Variants in ESPNL observed in about 807,000 individuals in gnomAD.
The protein encoded by ESPNL is espin like.
A neutral mutation model predicts 46.8 loss-of-function variants in ESPNL; 49 were observed. The ratio of observed to expected loss-of-function variants is 1.05; its 90% CI spans 0.83 to 1.33. The LOEUF is 1.33. Ranked by LOEUF, ESPNL falls within the 40% of genes most tolerant of loss-of-function variation. The pLI is 0.00. For synonymous variants in ESPNL, 664 were observed against 662.1 expected, an observed-to-expected ratio of 1.00 and a Z score of -0.04; for missense variants, 1,540 against 1,436.6, an observed-to-expected ratio of 1.07 and a Z score of -1.16.
intron 5 of ESPNL, 142 bp from the exon 6 acceptor site, chr2:238,125,128 C>T (rs764984868): frequency 6.2e-6 from 3 of 480,290 alleles, no homozygotes; most frequent in African/African-American, 6.1e-5. Flanking sequence ...CTGCCCCTCT[C>T]CTGCCACCTC....
intron 4 of ESPNL, among the ~76,000 whole-genome samples, chr2:238,116,438 T>C (rs1002552374): frequency 2.6e-4 from 40 of 152,196 alleles, no homozygotes; most frequent in African/African-American, 8.4e-4. Flanking sequence ...GGGAACCTCA[T>C]TGGGCCAGGA....
rs765611326 is a variant in ESPNL, at chr2:238,100,659, G to C, written c.240G>C (p.Thr80=). Residue 80 remains threonine, a synonymous_variant, in exon 1 of 9, where the codon ACG becomes ACC. Transcript: ENST00000343063. ...GATPAHDAAA[T]GSLAELCWLV... Reference sequence around the variant, plus strand: ...CCCCAGCGCATGACGCCGCTGCCACGGGCAGCCTGGCCGAGCTGTGCTGGC... The same window carrying C: ...CCCCAGCGCATGACGCCGCTGCCACCGGCAGCCTGGCCGAGCTGTGCTGGC... The C allele has an allele frequency of 1.3e-5, 19 of 1,447,158 alleles. No individual in the cohort carries two copies. The highest frequency in any genetic ancestry group is 1.7e-5 in the Non-Finnish European group (19 of 1,107,944). 89.6% of individuals were successfully genotyped at this position (1,447,158 alleles called of 1,614,324 possible). A position where few individuals can be genotyped will look rare whatever the true frequency, so the allele number is the denominator to read the frequency against.
Position 238,131,573 on chromosome 2 carries a change from C to A in ESPNL, c.2859C>A (p.His953Gln). 1 of 1,611,020 alleles carries A rather than the reference C, an allele frequency of 6.2e-7. No individual in the cohort carries two copies. Among genetic ancestry groups the A allele is most frequent in the Non-Finnish European group, 8.5e-7 (1 of 1,178,936 alleles). The change falls in exon 9 of 9, where the codon CAC becomes CAA. Residue 953 changes from histidine (H) to glutamine (Q), a missense_variant. Coordinates refer to ENST00000343063, the MANE Select transcript of ESPNL (RefSeq NM_194312.4). The stretch of plus-strand genomic sequence containing the variant: ...TGACCCTGCTCGGGCCCCTGCCTCA[C>A]GCCGCCGTCCCCTGCAGCGGCCCTG... ...SGLTLLGPLPHAAVPCSGPEP... is the reference protein window; with the variant it reads ...SGLTLLGPLPQAAVPCSGPEP...
chr2:238,116,466 G>A (rs77120012), intron 4 of ESPNL, among the ~76,000 whole-genome samples: 2,874 of 152,348 alleles, frequency 0.019, 54 homozygotes, highest in East Asian at 0.083. Flanking sequence ...CCCACGGAGA[G>A]TGGGGCTGTG....
intron 6 of ESPNL, among the ~76,000 whole-genome samples, chr2:238,126,438 CAG>C (rs1321599411): frequency 6.8e-6 from 1 of 147,672 alleles, no homozygotes; most frequent in African/African-American, 2.5e-5. Context: ...GTGTCTGTGT[CAG>C]TGTGTGATTG....
At chr2:238,120,304 C>T (rs1344363725) in intron 5 of ESPNL, among the ~76,000 whole-genome samples, 2 of 152,134 alleles carry the variant, frequency 1.3e-5, no homozygotes, top group African/African-American at 4.8e-5. Flanking sequence ...CCTGCACTTC[C>T]TCCCTGGATG....
chr2:238,105,599 G>A (rs567468628), intron 3 of ESPNL, among the ~76,000 whole-genome samples: 29 of 152,090 alleles, frequency 1.9e-4, no homozygotes, highest in Admixed American at 4.6e-4. Flanking sequence ...GGAGGCGGCC[G>A]GACAAGGAGT....
At chr2:238,123,144 G>A (rs117516523) in intron 5 of ESPNL, among the ~76,000 whole-genome samples, 10 of 152,290 alleles carry the variant, frequency 6.6e-5, no homozygotes, top group Admixed American at 3.3e-4. Context: ...TGGGGAACAC[G>A]CCGTTGCTCA....
At chr2:238,102,231 G>T in intron 2 of ESPNL, 100 bp downstream of exon 2, 1 of 1,090,324 alleles carries the variant, frequency 9.2e-7, no homozygotes, top group Non-Finnish European at 1.3e-6. Flanking sequence ...GGTGGCCTTT[G>T]AGGTGAATCC....
intron 8 of ESPNL, chr2:238,129,236 C>T (rs1045105879): frequency 2.5e-5 from 31 of 1,234,568 alleles, no homozygotes; most frequent in South Asian, 7.4e-5. Context: ...GGGCAGGTGC[C>T]GGCAGGTGTG....
rs1327065227 is a variant in ESPNL, at chr2:238,131,030, G to T, written c.2316G>T (p.Gly772=). ...GGACCCTAGGAGCCCGCCACGCGGG[G>T]TTGCGGGGCCAGGAGGCCGCCAGGA... ...ACRTLGARHA[G]LRGQEAARSP... is the part of the protein sequence containing the mutation. Residue 772 remains glycine, a synonymous_variant, in exon 9 of 9, where the codon GGG becomes GGT. Coordinates refer to ENST00000343063, the MANE Select transcript of ESPNL (RefSeq NM_194312.4). 4.5e-6 allele frequency: 7 copies of T among 1,539,392 alleles called. 1 individual carries two copies. In the African/African-American group the frequency reaches 5.5e-5, roughly 12 times the overall value.
intron 4 of ESPNL, among the ~76,000 whole-genome samples, chr2:238,115,453 GACCAGCA>G (rs1228033481): frequency 3.3e-5 from 5 of 152,206 alleles, no homozygotes; most frequent in Non-Finnish European, 7.3e-5. Context: ...CAAGTTCTCT[GACCAGCA>G]AGTCACAGAG....
rs1390508182 is a variant in ESPNL at position 238,128,864 on chromosome 2, T to C, written c.1373T>C (p.Leu458Pro). The change falls in exon 8 of 9, where the codon CTG becomes CCG. Residue 458 changes from leucine to proline, a missense_variant. By Grantham distance (98) the Leu-to-Pro change is moderately conservative. Coordinates refer to ENST00000343063, the MANE Select transcript of ESPNL (RefSeq NM_194312.4). ...EWKRQVMVRK[L>P]QARLGAESSA... is the part of the protein sequence containing the mutation. ...AAGCGGCAGGTGATGGTGCGGAAGC[T>C]GCAGGCGCGCCTGGGCGCAGAGAGC... The C allele has an allele frequency of 6.5e-7, 1 of 1,546,606 alleles. No individual in the cohort carries two copies. Among genetic ancestry groups the C allele is most frequent in the South Asian group, 1.2e-5 (1 of 83,980 alleles).
chr2:238,124,804 GGA>G (rs1457670002), intron 5 of ESPNL, among the ~76,000 whole-genome samples: 1 of 151,164 alleles, frequency 6.6e-6, no homozygotes, highest in Non-Finnish European at 1.5e-5. Context: ...TGTGTGTGCA[GGA>G]GAGTGTACGT....
chr2:238,113,067 CTAT>C (rs900983155), intron 4 of ESPNL, among the ~76,000 whole-genome samples: 11 of 152,266 alleles, frequency 7.2e-5, no homozygotes, highest in African/African-American at 2.2e-4. Flanking sequence ...ACATTCCTGG[CTAT>C]TATTCTGGAT....
Position 238,127,604 on chromosome 2 carries a change from C to CCTT in ESPNL, c.1103-8_1103-6dup, listed in dbSNP as rs752327796. 3.8e-6 allele frequency: 6 copies of CCTT among 1,584,496 alleles called. No individual in the cohort carries two copies. In the Admixed American group the frequency reaches 7.1e-5, roughly 19 times the overall value. On this transcript the variant is annotated splice_polypyrimidine_tract_variant and intron_variant, in intron 6 of 8. Transcript: ENST00000343063. ...CCAGCCCTTGCCCTTTCTGCAACAC[C>CCTT]CTTCTTCTTCTTGGCAGCCATGTCC... is the stretch of plus-strand genomic sequence containing the variant.
Position 238,107,991 on chromosome 2 carries a change from G to T in ESPNL, c.855+18G>T. The stretch of plus-strand genomic sequence containing the variant: ...AGATGGAGGTAAGGTGGGCGTGAGG[G>T]AGACAGGGTGAGCAGTCACAAGTGC... On this transcript the variant is annotated intron_variant, in intron 4 of 8. Coordinates refer to ENST00000343063, the MANE Select transcript of ESPNL (RefSeq NM_194312.4). 6.3e-7 allele frequency: 1 copy of T among 1,597,424 alleles called. No individual in the cohort carries two copies. Among genetic ancestry groups the T allele is most frequent in the Non-Finnish European group, 8.5e-7 (1 of 1,171,220 alleles).
chr2:238,118,546 G>A (rs1691880688), intron 5 of ESPNL, among the ~76,000 whole-genome samples: 1 of 128,494 alleles, frequency 7.8e-6, no homozygotes. Flanking sequence ...AGGAATGGAT[G>A]GAAGAGGTGG....
intron 3 of ESPNL, among the ~76,000 whole-genome samples, chr2:238,107,264 G>A (rs1691616290): frequency 6.6e-6 from 1 of 152,214 alleles, no homozygotes; most frequent in African/African-American, 2.4e-5. Context: ...AGGCAGGGCT[G>A]GCCTCAAGTC....
Sources: allele counts gnomAD v4.1 joint callset (sites outside exome capture counted in the v4.1 genomes callset), GRCh38; gene constraint gnomAD v4.1.1; transcripts MANE v1.5; gene names NCBI Gene and HGNC (gene_info 2026-07-23, HGNC 2026-07-21).